Variants in ZFAND3 observed in about 807,000 individuals in gnomAD.
ZFAND3 encodes the protein zinc finger AN1-type containing 3.
ZFAND3 carries 10 observed loss-of-function variants against 29.6 expected under a neutral mutation model. The ratio of observed to expected loss-of-function variants is 0.34; its 90% CI spans 0.21 to 0.57. The LOEUF (loss-of-function observed/expected upper bound fraction) is 0.57. ZFAND3 is among the 20% of genes least tolerant of loss of function. The probability of loss-of-function intolerance (pLI) is 0.86; values close to 1 mark genes in which losing one functional copy is unlikely to be tolerated. For synonymous variants in ZFAND3, 128 were observed against 112.6 expected (o/e 1.14, Z -0.87); for missense variants, 230 against 304.5 (o/e 0.76, Z 1.82).
chr6:37,872,288 T>A (rs1266315147), intron 1 of ZFAND3, among the ~76,000 whole-genome samples: 1 of 152,250 alleles, frequency 6.6e-6, no homozygotes, highest in Non-Finnish European at 1.5e-5. Flanking sequence ...TGGTTTTGAT[T>A]GCTGTTCAGC....
chr6:38,147,444 T>G (rs753607655), intron 5 of ZFAND3, among the ~76,000 whole-genome samples: 2 of 152,264 alleles, frequency 1.3e-5, no homozygotes, highest in Non-Finnish European at 2.9e-5. Flanking sequence ...AGTGCCACAA[T>G]AAACATGCGA....
intron 1 of ZFAND3, among the ~76,000 whole-genome samples, chr6:37,834,477 G>A (rs1763926036): frequency 6.6e-6 from 1 of 152,132 alleles, no homozygotes; most frequent in African/African-American, 2.4e-5. Context: ...GCAGGTTTTT[G>A]TGTGGACATA....
chr6:38,107,451 C>A (rs1765231454), intron 4 of ZFAND3, among the ~76,000 whole-genome samples: 1 of 152,326 alleles, frequency 6.6e-6, no homozygotes, highest in East Asian at 1.9e-4. Flanking sequence ...GCCAGTCCTC[C>A]AGCCATGCCA....
intron 3 of ZFAND3, 33 bp downstream of exon 3, chr6:38,061,808 G>C: frequency 6.2e-7 from 1 of 1,608,752 alleles, no homozygotes; most frequent in Non-Finnish European, 8.5e-7. Context: ...GTGGTAGAGA[G>C]AGCAGCTTAA....
At chr6:37,966,020 CCCT>C (rs1168900581) in intron 2 of ZFAND3, among the ~76,000 whole-genome samples, 1 of 152,142 alleles carries the variant, frequency 6.6e-6, no homozygotes. Context: ...GCCTTGACCT[CCCT>C]AAGTGCTGGG....
intron 3 of ZFAND3, among the ~76,000 whole-genome samples, chr6:38,079,967 A>G (rs1477234397): frequency 6.6e-6 from 1 of 151,884 alleles, no homozygotes; most frequent in African/African-American, 2.4e-5. Context: ...ATGTGTTAAA[A>G]TCCCTCAGGA....
chr6:37,885,454 G>A (rs967246254), intron 1 of ZFAND3, among the ~76,000 whole-genome samples: 3 of 152,130 alleles, frequency 2.0e-5, no homozygotes, highest in Non-Finnish European at 2.9e-5. Flanking sequence ...GACCAGCCTG[G>A]CCAACATGGT....
intron 2 of ZFAND3, among the ~76,000 whole-genome samples, chr6:38,004,115 C>T (rs1243650796): frequency 6.6e-6 from 1 of 151,946 alleles, no homozygotes; most frequent in Non-Finnish European, 1.5e-5. Context: ...TTTAGGAGTC[C>T]TGTATTTTAA....
chr6:38,058,219 T>G (rs1389634534), intron 2 of ZFAND3, among the ~76,000 whole-genome samples: 1 of 152,202 alleles, frequency 6.6e-6, no homozygotes. Flanking sequence ...TGTGTGCATC[T>G]GTCTCCAGGC....
intron 1 of ZFAND3, among the ~76,000 whole-genome samples, chr6:37,893,551 G>A (rs1488088382): frequency 1.3e-5 from 1 of 76,718 alleles, no homozygotes; most frequent in African/African-American, 3.7e-5. Context: ...TTCTGTTTTT[G>A]TTTGTTTGTT....
chr6:37,895,050 CCAAT>C (rs1765173963), intron 1 of ZFAND3, among the ~76,000 whole-genome samples: 2 of 152,100 alleles, frequency 1.3e-5, no homozygotes, highest in South Asian at 4.2e-4. Flanking sequence ...TATTATGTTT[CCAAT>C]CAGTTTTTAA....
Position 38,011,928 on chromosome 6 carries a change from T to A in ZFAND3, c.113-49665T>A, listed in dbSNP as rs148539425. Among the ~76,000 whole-genome samples the A allele has an allele frequency of 4.5e-3, 689 of 152,342 alleles. 7 individuals carry two copies. Among genetic ancestry groups the A allele is most frequent in the African/African-American group, 0.015 (636 of 41,560 alleles). ...AATACGTAGCTATATTTCTTGTCATTCTTTTTTTGGAAACTATAATATGAA... is the reference window on the plus strand; with the variant it reads ...AATACGTAGCTATATTTCTTGTCATACTTTTTTTGGAAACTATAATATGAA... On this transcript the variant is annotated intron_variant, in intron 2 of 5. Transcript: ENST00000287218.
chr6:37,920,588 C>T (rs1353322580), intron 1 of ZFAND3, among the ~76,000 whole-genome samples: 1 of 152,162 alleles, frequency 6.6e-6, no homozygotes, highest in Non-Finnish European at 1.5e-5. Context: ...ATGCTAAAAC[C>T]ACTGCTAATT....
chr6:38,111,457 A>T (rs1426274314), intron 4 of ZFAND3, among the ~76,000 whole-genome samples: 1 of 152,190 alleles, frequency 6.6e-6, no homozygotes, highest in Non-Finnish European at 1.5e-5. Flanking sequence ...ATGGGTTTCA[A>T]CTGTGCAGGT....
At chr6:37,967,872 A>G (rs1001998960) in intron 2 of ZFAND3, among the ~76,000 whole-genome samples, 3 of 152,040 alleles carry the variant, frequency 2.0e-5, no homozygotes, top group African/African-American at 7.2e-5. Context: ...TTTTTGATGT[A>G]GTCACCCTTT....
chr6:37,831,498 G>C (rs1300326685), intron 1 of ZFAND3, among the ~76,000 whole-genome samples: 2 of 152,126 alleles, frequency 1.3e-5, no homozygotes, highest in Non-Finnish European at 2.9e-5. Context: ...GAAAGCTCAC[G>C]GTCTAGAAGG....
chr6:38,060,680 G>A (rs1356120329), intron 2 of ZFAND3, among the ~76,000 whole-genome samples: 1 of 152,102 alleles, frequency 6.6e-6, no homozygotes, highest in Non-Finnish European at 1.5e-5. Flanking sequence ...CAAACTTCAG[G>A]CCTCAAGCAG....
At chr6:37,873,728 G>C (rs1327431323) in intron 1 of ZFAND3, among the ~76,000 whole-genome samples, 4 of 152,170 alleles carry the variant, frequency 2.6e-5, no homozygotes, top group African/African-American at 9.7e-5. Context: ...GTTTTTCTCA[G>C]ATTGGCACAC....
rs1766118185 is a variant in ZFAND3, at chr6:38,146,766, C to T, written c.530-5469C>T. On this transcript the variant is annotated intron_variant, in intron 5 of 5. Transcript: ENST00000287218. The stretch of plus-strand genomic sequence containing the variant: ...GGGTGAGCATCCTTTTAACCATATT[C>T]CCCTATCCCTTATCCTCCTTTATCC... 5.9e-5 allele frequency among the ~76,000 whole-genome samples: 9 copies of T among 152,308 alleles called. No individual in the cohort carries two copies. The South Asian group carries it at 1.9e-3, about 32-fold the overall frequency.
Sources: allele counts gnomAD v4.1 joint callset (sites outside exome capture counted in the v4.1 genomes callset), GRCh38; gene constraint gnomAD v4.1.1; transcripts MANE v1.5; gene names NCBI Gene and HGNC (gene_info 2026-07-23, HGNC 2026-07-21).